The following SAMD4A variants were observed in gnomAD, a reference collection of about 807,000 sequenced individuals.
The protein encoded by SAMD4A is sterile alpha motif domain containing 4A.
In SAMD4A, 33 loss-of-function variants were observed where a neutral mutation model predicts 81.3. That is an observed-to-expected ratio of 0.41 (90% CI 0.31 to 0.54). The LOEUF (loss-of-function observed/expected upper bound fraction) is 0.54, where lower values mean the gene tolerates loss of function less well. SAMD4A is among the 20% of genes least tolerant of loss of function. The probability of loss-of-function intolerance (pLI) is 0.37; values close to 1 mark genes in which losing one functional copy is unlikely to be tolerated. For missense variants in SAMD4A, 854 were observed against 951.1 expected, an observed-to-expected ratio of 0.90 and a Z score of 1.34; for synonymous variants, 389 against 382.1, an observed-to-expected ratio of 1.02 and a Z score of -0.21.
chr14:54,736,718 T>C (rs2037704222), intron 3 of SAMD4A, among the ~76,000 whole-genome samples: 1 of 152,250 alleles, frequency 6.6e-6, no homozygotes, highest in Non-Finnish European at 1.5e-5. Flanking sequence ...CCCCGTCCTA[T>C]GAATCCTGAT....
chr14:54,718,551 TTTTTTGTTG>T (rs1445854584), intron 3 of SAMD4A, among the ~76,000 whole-genome samples: 1 of 146,894 alleles, frequency 6.8e-6, no homozygotes, highest in African/African-American at 2.6e-5. Context: ...TTTTTTTGGG[TTTTTTGTTG>T]TTGTTGTTGT....
At chr14:54,736,986 G>A (rs372654902) in intron 3 of SAMD4A, 38 bp from the exon 4 acceptor site, 215 of 1,605,938 alleles carry the variant, frequency 1.3e-4, no homozygotes, top group African/African-American at 4.8e-4. Context: ...AGGATAAAGG[G>A]GGGGGAATAA....
intron 2 of SAMD4A, among the ~76,000 whole-genome samples, chr14:54,653,539 G>A (rs1363966649): frequency 6.6e-6 from 1 of 151,586 alleles, no homozygotes; most frequent in Non-Finnish European, 1.5e-5. Context: ...AGGATTTCAC[G>A]ATGTTGGCCA....
intron 6 of SAMD4A, among the ~76,000 whole-genome samples, chr14:54,757,858 G>T (rs571987081): frequency 6.6e-6 from 1 of 152,312 alleles, no homozygotes; most frequent in South Asian, 2.1e-4. Context: ...TAGTTAGCAC[G>T]CAGTCTGATC....
intron 2 of SAMD4A, among the ~76,000 whole-genome samples, chr14:54,634,363 A>G (rs1193076078): frequency 1.3e-5 from 2 of 151,778 alleles, no homozygotes; most frequent in African/African-American, 4.8e-5. Flanking sequence ...TGGAAGGGGA[A>G]TGGGATTGGG....
At chr14:54,684,615 C>T (rs373250589) in intron 2 of SAMD4A, among the ~76,000 whole-genome samples, 2,650 of 69,332 alleles carry the variant, frequency 0.038, 70 homozygotes, top group South Asian at 0.15. Context: ...CACCCCCGCC[C>T]CCCCCCCCAA....
chr14:54,785,457 T>C (rs2039114435), intron 12 of SAMD4A, among the ~76,000 whole-genome samples: 1 of 152,206 alleles, frequency 6.6e-6, no homozygotes, highest in Admixed American at 6.5e-5. Context: ...CCTGCCAGCT[T>C]CCTGGGAGGC....
intron 11 of SAMD4A, among the ~76,000 whole-genome samples, chr14:54,784,026 T>C (rs1291969279): frequency 6.6e-6 from 1 of 152,312 alleles, no homozygotes; most frequent in South Asian, 2.1e-4. Context: ...TGTGGGGGCA[T>C]GGCTCATACA....
At chr14:54,588,162 T>C (rs116248136) in intron 2 of SAMD4A, among the ~76,000 whole-genome samples, 1,879 of 152,294 alleles carry the variant, frequency 0.012, 33 homozygotes, top group African/African-American at 0.043. Context: ...GGTTTTCTAG[T>C]TTAAGCCTGT....
chr14:54,715,941 T>G (rs1333715292), intron 3 of SAMD4A, among the ~76,000 whole-genome samples: 2 of 152,100 alleles, frequency 1.3e-5, no homozygotes, highest in Admixed American at 1.3e-4. Flanking sequence ...CAGTTATAAA[T>G]GTGGATTCTA....
At chr14:54,590,423 C>T (rs756113118) in intron 2 of SAMD4A, among the ~76,000 whole-genome samples, 9 of 152,062 alleles carry the variant, frequency 5.9e-5, no homozygotes, top group Non-Finnish European at 1.3e-4. Flanking sequence ...CCCAGGAGGT[C>T]GAGGCTGCAG....
chr14:54,628,987 C>G (rs2034830803), intron 2 of SAMD4A, among the ~76,000 whole-genome samples: 1 of 152,126 alleles, frequency 6.6e-6, no homozygotes, highest in Non-Finnish European at 1.5e-5. Context: ...AAGTTCTAAC[C>G]TCCAGTAGTT....
At chr14:54,671,222 T>C (rs2035874257) in intron 2 of SAMD4A, among the ~76,000 whole-genome samples, 1 of 151,506 alleles carries the variant, frequency 6.6e-6, no homozygotes, top group African/African-American at 2.4e-5. Flanking sequence ...GACATGGGAG[T>C]TTTATGGAAG....
intron 2 of SAMD4A, among the ~76,000 whole-genome samples, chr14:54,601,331 T>C (rs1421631965): frequency 6.6e-6 from 1 of 152,198 alleles, no homozygotes; most frequent in Non-Finnish European, 1.5e-5. Flanking sequence ...CCTGCTCTTG[T>C]GATTATTTTG....
intron 2 of SAMD4A, among the ~76,000 whole-genome samples, chr14:54,577,404 G>A (rs1440665812): frequency 6.6e-6 from 1 of 152,246 alleles, no homozygotes; most frequent in Non-Finnish European, 1.5e-5. Context: ...TGTTTGTAAA[G>A]TCTATGGATG....
At chr14:54,762,908 G>A (rs904122797) in intron 7 of SAMD4A, among the ~76,000 whole-genome samples, 1 of 149,684 alleles carries the variant, frequency 6.7e-6, no homozygotes, top group African/African-American at 2.5e-5. Flanking sequence ...AGGCTGGAGT[G>A]CAGTGGCGCG....
chr14:54,627,349 C>G (rs1445032424), intron 2 of SAMD4A, among the ~76,000 whole-genome samples: 2 of 152,152 alleles, frequency 1.3e-5, no homozygotes, highest in Non-Finnish European at 2.9e-5. Flanking sequence ...AAAGACGCAG[C>G]TTGTCCGTTA....
At chr14:54,628,964 C>A (rs942828838) in intron 2 of SAMD4A, among the ~76,000 whole-genome samples, 1 of 152,066 alleles carries the variant, frequency 6.6e-6, no homozygotes, top group Non-Finnish European at 1.5e-5. Flanking sequence ...GTCCTGCCTC[C>A]CCCAGAATGT....
chr14:54,735,061 G>A (rs1566610548), intron 3 of SAMD4A: 1 of 152,228 alleles, frequency 6.6e-6, no homozygotes, highest in Admixed American at 6.5e-5. Context: ...AGAAAGCAAA[G>A]ATGTCTAAGC....
Sources: allele counts gnomAD v4.1 joint callset (sites outside exome capture counted in the v4.1 genomes callset), GRCh38; gene constraint gnomAD v4.1.1; transcripts MANE v1.5; gene names NCBI Gene and HGNC (gene_info 2026-07-23, HGNC 2026-07-21).